The following CAST variants were observed in gnomAD, a reference collection of about 807,000 sequenced individuals.
The protein encoded by CAST is calpastatin, also known as MIR583 host.
CAST carries 76 observed loss-of-function variants against 119.6 expected under a neutral mutation model. That is an observed-to-expected ratio of 0.64 (90% CI 0.53 to 0.77). The LOEUF is 0.77. Among genes scored for constraint, CAST ranks in the 30% least tolerant of loss-of-function variants. The pLI is 0.00. For synonymous variants in CAST, 319 were observed against 331.6 expected (o/e 0.96, Z 0.41); for missense variants, 953 against 946.5 (o/e 1.01, Z -0.09).
chr5:96,226,488 A>T, the CAST span, among the ~76,000 whole-genome samples: 1 of 151,852 alleles, frequency 6.6e-6, no homozygotes. Context: ...CTGTCTCTAT[A>T]AAAAATACAA....
At chr5:95,980,231 C>T in the CAST span, 2 of 152,148 alleles carry the variant, frequency 1.3e-5, no homozygotes, top group Non-Finnish European at 2.9e-5. Context: ...TACCTAGGTA[C>T]TGACAGATAT....
chr5:96,408,501 T>C, the CAST span, among the ~76,000 whole-genome samples: 1 of 152,190 alleles, frequency 6.6e-6, no homozygotes, highest in South Asian at 2.1e-4. Flanking sequence ...GATATTTTAG[T>C]TCACCCTCTA....
the CAST span, among the ~76,000 whole-genome samples, chr5:95,996,755 G>C: frequency 6.6e-6 from 1 of 152,122 alleles, no homozygotes; most frequent in Non-Finnish European, 1.5e-5. Context: ...ATTTGAGATA[G>C]AGTGGGTCCC....
chr5:96,612,265 A>G (rs1044047072), intron 1 of CAST, among the ~76,000 whole-genome samples: 8 of 152,216 alleles, frequency 5.3e-5, no homozygotes, highest in African/African-American at 1.9e-4. Flanking sequence ...AAGGAATGAA[A>G]TCATGTCCTT....
intron 3 of CAST, among the ~76,000 whole-genome samples, chr5:96,720,160 G>T (rs1228496671): frequency 6.6e-6 from 1 of 152,108 alleles, no homozygotes; most frequent in Admixed American, 6.6e-5. Context: ...ATAAACACCT[G>T]GGGGAGCCAA....
chr5:95,981,102 T>G, the CAST span, among the ~76,000 whole-genome samples: 1 of 152,164 alleles, frequency 6.6e-6, no homozygotes, highest in South Asian at 2.1e-4. Flanking sequence ...GTGGGGCAGC[T>G]GAGAACCCCA....
chr5:96,423,671 G>T, the CAST span, among the ~76,000 whole-genome samples: 1 of 152,180 alleles, frequency 6.6e-6, no homozygotes, highest in Non-Finnish European at 1.5e-5. Context: ...GTCCCAAATG[G>T]ACATCACTTG....
At chr5:95,987,923 A>G in the CAST span, among the ~76,000 whole-genome samples, 1 of 152,368 alleles carries the variant, frequency 6.6e-6, no homozygotes, top group Non-Finnish European at 1.5e-5. Context: ...ATTGGACAGC[A>G]GAGATATCAA....
chr5:96,061,668 C>T, the CAST span, among the ~76,000 whole-genome samples: 10 of 147,466 alleles, frequency 6.8e-5, no homozygotes, highest in Non-Finnish European at 8.9e-5. Flanking sequence ...TGTGTGTGTG[C>T]GTGTGTGTGT....
At chr5:96,036,058 C>G in the CAST span, among the ~76,000 whole-genome samples, 2 of 150,444 alleles carry the variant, frequency 1.3e-5, no homozygotes, top group South Asian at 4.2e-4. Flanking sequence ...TAGGGAAGAT[C>G]TCCAAGTTTA....
chr5:96,061,509 C>T, the CAST span, among the ~76,000 whole-genome samples: 3 of 152,060 alleles, frequency 2.0e-5, no homozygotes, highest in Admixed American at 1.3e-4. Flanking sequence ...GAAAAAAGGC[C>T]TGAACTTGAC....
chr5:96,355,443 G>A, the CAST span, among the ~76,000 whole-genome samples: 2 of 152,068 alleles, frequency 1.3e-5, no homozygotes, highest in Non-Finnish European at 2.9e-5. Flanking sequence ...TGGCATTTGG[G>A]TTGGTTCCCA....
chr5:96,339,370 C>T, the CAST span, among the ~76,000 whole-genome samples: 622 of 152,314 alleles, frequency 4.1e-3, no homozygotes, highest in Middle Eastern at 6.8e-3. Flanking sequence ...AGGATACCAA[C>T]TAGCCCTCAT....
the CAST span, among the ~76,000 whole-genome samples, chr5:96,014,083 A>G: frequency 5.3e-5 from 8 of 151,048 alleles, no homozygotes; most frequent in African/African-American, 2.0e-4. Flanking sequence ...ACACAAATAT[A>G]TTATACAGCT....
At chr5:96,241,174 T>C in the CAST span, among the ~76,000 whole-genome samples, 5 of 150,512 alleles carry the variant, frequency 3.3e-5, no homozygotes, top group South Asian at 4.3e-4. Flanking sequence ...AACTCGTCAT[T>C]TAGCATTAGG....
chr5:96,129,460 C>T, the CAST span, among the ~76,000 whole-genome samples: 1 of 152,132 alleles, frequency 6.6e-6, no homozygotes, highest in South Asian at 2.1e-4. Flanking sequence ...TCTCTGGTTC[C>T]TGGGCCTTTG....
At chr5:96,212,657 A>G in the CAST span, among the ~76,000 whole-genome samples, 168 of 152,280 alleles carry the variant, frequency 1.1e-3, 1 homozygote, top group African/African-American at 3.8e-3. Flanking sequence ...TAGTTATTAT[A>G]TCAATTGTTG....
chr5:96,589,813 A>G (rs1472308236), intron 1 of CAST, among the ~76,000 whole-genome samples: 2 of 152,228 alleles, frequency 1.3e-5, no homozygotes, highest in Non-Finnish European at 2.9e-5. Context: ...CGTCTCATTC[A>G]TAAGGGTCTT....
chr5:96,334,312 C>G, the CAST span, among the ~76,000 whole-genome samples: 1 of 152,170 alleles, frequency 6.6e-6, no homozygotes, highest in Admixed American at 6.5e-5. Flanking sequence ...ATCACAGTCA[C>G]TGCTTAGTTG....
Sources: gnomAD v4.1 joint callset for allele counts (sites outside exome capture counted in the v4.1 genomes callset) on GRCh38, gnomAD v4.1.1 for gene constraint, MANE v1.5 for transcripts, NCBI Gene and HGNC (gene_info 2026-07-23, HGNC 2026-07-21) for gene names.